The following ZDHHC6 variants were observed in gnomAD, a reference collection of about 807,000 sequenced individuals.
ZDHHC6 encodes the protein zDHHC palmitoyltransferase 6, also known as palmitoyltransferase ZDHHC6.
A neutral mutation model predicts 57.8 loss-of-function variants in ZDHHC6; 32 were observed. The observed-to-expected ratio is 0.55, with a 90% confidence interval of 0.42 to 0.74. The LOEUF is 0.74. Among genes scored for constraint, ZDHHC6 ranks in the 30% least tolerant of loss-of-function variants. ZDHHC6 has a pLI of 0.00. For synonymous variants in ZDHHC6, 128 were observed against 158.0 expected, an observed-to-expected ratio of 0.81 and a Z score of 1.42; for missense variants, 433 against 500.7, an observed-to-expected ratio of 0.86 and a Z score of 1.29.
rs1270507125 is a variant in ZDHHC6, at chr10:112,445,239, G to A, written c.198C>T (p.Val66=). 5.6e-6 allele frequency: 9 copies of A among 1,614,066 alleles called. No homozygotes were observed. The highest frequency in any genetic ancestry group is 7.6e-6 in the Non-Finnish European group (9 of 1,180,036). ...VNFIMLINWT[V]MILYNYFNAM... ...CATTGAAGTAATTATAAAGAATCAT[G>A]ACAGTCCAATTTATCAACATGATGA... The change falls in exon 2 of 11, where the codon GTC becomes GTT. Residue 66 remains valine, a synonymous_variant. Coordinates refer to ENST00000369405, the MANE Select transcript of ZDHHC6 (RefSeq NM_022494.3).
chr10:112,447,294 A>C, upstream of ZDHHC6: 1 of 1,499,106 alleles, frequency 6.7e-7, no homozygotes, highest in South Asian at 1.2e-5. Flanking sequence ...GGGGTTCCTA[A>C]GCCGCGGGGC....
At chr10:112,429,466 C>T (rs1844863228), downstream of ZDHHC6, among the ~76,000 whole-genome samples, 1 of 152,198 alleles carries the variant, frequency 6.6e-6, no homozygotes, top group Non-Finnish European at 1.5e-5. Context: ...CTCCATCTTA[C>T]ATATATTTTA....
Position 112,440,630 on chromosome 10 carries a change from A to T in ZDHHC6, c.585T>A (p.Ile195=). The T allele has an allele frequency of 6.2e-7, 1 of 1,614,098 alleles. No individual in the cohort carries two copies. Among genetic ancestry groups the T allele is most frequent in the East Asian group, 2.2e-5 (1 of 44,864 alleles). The change falls in exon 5 of 11, where the codon ATT becomes ATA. Residue 195 remains isoleucine, a synonymous_variant. Coordinates refer to ENST00000369405, the MANE Select transcript of ZDHHC6 (RefSeq NM_022494.3). ...MSAARRDPLP[I]VPFGLAAFAT... ...CAAATGCAGCTAATCCAAATGGAAC[A>T]ATTGGAAGAGGATCTCTCCGGGCTG...
upstream of ZDHHC6, chr10:112,447,079 T>C (rs2277206): frequency 0.56 from 229,843 of 411,448 alleles, 66,393 homozygotes; most frequent in Admixed American, 0.62. Context: ...CCCTCAGAAC[T>C]TGCATATTTT....
downstream of ZDHHC6, chr10:112,426,898 G>T (rs774838326): frequency 6.6e-7 from 1 of 1,513,278 alleles, no homozygotes; most frequent in South Asian, 1.1e-5. Context: ...CCTCTTGTCA[G>T]AAAGTTTTGT....
At chr10:112,433,405 G>C (rs1041237272) in intron 7 of ZDHHC6, 124 bp from the exon 8 acceptor site, 2 of 746,390 alleles carry the variant, frequency 2.7e-6, no homozygotes, top group African/African-American at 3.6e-5. Flanking sequence ...TCAAGTTGCT[G>C]ATAATTTAAA....
At chr10:112,442,473 A>G in intron 3 of ZDHHC6, 122 bp from the exon 4 acceptor site, 1 of 888,850 alleles carries the variant, frequency 1.1e-6, no homozygotes, top group South Asian at 2.2e-5. Context: ...AGAGAATTAT[A>G]CTTCATGGAA....
At chr10:112,426,392 C>A, downstream of ZDHHC6, 1 of 1,571,408 alleles carries the variant, frequency 6.4e-7, no homozygotes, top group Non-Finnish European at 8.8e-7. Context: ...TTATGCACAC[C>A]CATGGGCCCA....
At chr10:112,447,271 G>T, upstream of ZDHHC6, 3 of 1,280,524 alleles carry the variant, frequency 2.3e-6, no homozygotes, top group Non-Finnish European at 3.3e-6. Flanking sequence ...TTCTGCTCTC[G>T]GGGGCACCTT....
exon 12 of ZDHHC6, chr10:112,425,080 A>G (rs959736670): frequency 3.5e-6 from 1 of 289,440 alleles, no homozygotes; most frequent in Non-Finnish European, 6.4e-6. Flanking sequence ...ATCAATTTGC[A>G]TAACTCCAGT....
intron 2 of ZDHHC6, 85 bp from the exon 3 acceptor site, chr10:112,443,691 C>T (rs890263947): frequency 4.9e-6 from 5 of 1,016,556 alleles, no homozygotes; most frequent in African/African-American, 4.9e-5. Context: ...CTTTTATGGG[C>T]GATAGGGGAA....
chr10:112,426,828 G>A (rs886520738), downstream of ZDHHC6: 2 of 1,613,806 alleles, frequency 1.2e-6, no homozygotes, highest in African/African-American at 2.7e-5. Context: ...CAGAAAATTG[G>A]GAAAGAAAGT....
At position 112,439,689 on chromosome 10, in the gene ZDHHC6, T is replaced by C. The variant is rs569392380; in HGVS notation, c.681+845A>G. ...AAAAAAGAATGAAAAAGAATGGTTT[T>C]TGGTCCCTTCAGAGCCAGGTCCTCC... On this transcript the variant is annotated intron_variant, in intron 5 of 10. Coordinates refer to ENST00000369405, the MANE Select transcript of ZDHHC6 (RefSeq NM_022494.3). Among the ~76,000 whole-genome samples, 178 of 138,032 alleles carry C rather than the reference T, an allele frequency of 1.3e-3. 3 individuals are homozygous for C. Among genetic ancestry groups the C allele is most frequent in the African/African-American group, 4.5e-3 (168 of 37,526 alleles). The allele number at this position is 138,032 out of a possible 152,430, so 90.6% of individuals were successfully genotyped here.
intron 3 of ZDHHC6, among the ~76,000 whole-genome samples, 179 bp downstream of exon 3, chr10:112,443,320 GAAGAATTAAATCTATT>G (rs1846318174): frequency 6.6e-6 from 1 of 152,134 alleles, no homozygotes; most frequent in Non-Finnish European, 1.5e-5. Flanking sequence ...TTGTAACAAG[GAAGAATTAAATCTATT>G]TATTATCTAG....
intron 2 of ZDHHC6, among the ~76,000 whole-genome samples, chr10:112,444,352 A>G (rs1458864714): frequency 2.6e-5 from 4 of 152,092 alleles, no homozygotes; most frequent in African/African-American, 4.8e-5. Flanking sequence ...CCAACTAACA[A>G]TGCTCAATTC....
intron 7 of ZDHHC6, 107 bp downstream of exon 7, chr10:112,434,190 A>G: frequency 8.9e-7 from 1 of 1,120,608 alleles, no homozygotes; most frequent in South Asian, 1.9e-5. Flanking sequence ...ACATAGTGAA[A>G]ACATTCATAT....
At chr10:112,424,477 A>G (rs1010923987) in exon 12 of ZDHHC6, 2 of 152,338 alleles carry the variant, frequency 1.3e-5, no homozygotes, top group Admixed American at 1.3e-4. Flanking sequence ...TTGCTAATAT[A>G]TTTGTTTCTG....
At chr10:112,424,766 G>T (rs566949299) in exon 12 of ZDHHC6, 15 of 152,324 alleles carry the variant, frequency 9.8e-5, no homozygotes, top group African/African-American at 3.4e-4. Flanking sequence ...AGACCAATTA[G>T]TTCAGAGAAA....
downstream of ZDHHC6, chr10:112,425,589 T>C (rs1048662056): frequency 5.8e-6 from 4 of 688,496 alleles, no homozygotes; most frequent in African/African-American, 6.7e-5. Flanking sequence ...TCCAAGCTTA[T>C]AAAACTAAAA....
Sources: allele counts gnomAD v4.1 joint callset (sites outside exome capture counted in the v4.1 genomes callset), GRCh38; gene constraint gnomAD v4.1.1; transcripts MANE v1.5; gene names NCBI Gene and HGNC (gene_info 2026-07-23, HGNC 2026-07-21).